The following TESK2 variants were observed in gnomAD, a reference collection of about 807,000 sequenced individuals.
TESK2 encodes the protein dual specificity testis-specific protein kinase 2.
TESK2 carries 39 observed loss-of-function variants against 57.1 expected under a neutral mutation model. The ratio of observed to expected loss-of-function variants is 0.68; its 90% CI spans 0.53 to 0.89. The LOEUF (loss-of-function observed/expected upper bound fraction) is 0.89, where lower values mean the gene tolerates loss of function less well. Among genes scored for constraint, TESK2 ranks in the 40% least tolerant of loss-of-function variants. TESK2 has a pLI of 0.00. For missense variants in TESK2, 646 were observed against 732.1 expected, an observed-to-expected ratio of 0.88 and a Z score of 1.36; for synonymous variants, 249 against 267.9, an observed-to-expected ratio of 0.93 and a Z score of 0.69.
At position 45,345,164 on chromosome 1, in the gene TESK2, C is replaced by A. The variant is rs746459077; in HGVS notation, c.1392G>T (p.Leu464Phe). The A allele has an allele frequency of 1.2e-6, 2 of 1,614,072 alleles. No individual in the cohort carries two copies. Among genetic ancestry groups the A allele is most frequent in the Admixed American group, 1.7e-5 (1 of 60,008 alleles). The change falls in exon 11 of 11, where the codon TTG (leucine) becomes TTT (phenylalanine). Residue 464 changes from leucine to phenylalanine, a missense_variant. Transcript: ENST00000372086. ...WRSLPGSPEF[L>F]HQEACPFVGR... ...CCACAAATGGACAAGCCTCTTGATG[C>A]AAGAACTCAGGCGAACCAGGCAAGG...
At chr1:45,429,539 T>C (rs1650862888) in intron 2 of TESK2, among the ~76,000 whole-genome samples, 5 of 152,102 alleles carry the variant, frequency 3.3e-5, no homozygotes, top group Admixed American at 3.3e-4. Flanking sequence ...TTTTAAAGTA[T>C]ATATGACAAA....
intron 4 of TESK2, among the ~76,000 whole-genome samples, chr1:45,363,102 T>C (rs902547389): frequency 6.6e-6 from 1 of 152,160 alleles, no homozygotes; most frequent in Non-Finnish European, 1.5e-5. Flanking sequence ...TGGTGTTTGT[T>C]CAAAGGCAAG....
intron 4 of TESK2, among the ~76,000 whole-genome samples, chr1:45,373,047 AG>A (rs138758396): frequency 6.6e-6 from 1 of 151,120 alleles, no homozygotes; most frequent in Non-Finnish European, 1.5e-5. Flanking sequence ...AAAAAAAAAA[AG>A]AAAAGAAAAA....
chr1:45,466,707 C>T (rs1652567861), intron 1 of TESK2, among the ~76,000 whole-genome samples: 1 of 149,708 alleles, frequency 6.7e-6, no homozygotes, highest in South Asian at 2.1e-4. Context: ...AGCAGAATAG[C>T]ATAGTCATGA....
intron 2 of TESK2, 54 bp downstream of exon 2, chr1:45,457,510 G>T: frequency 6.6e-7 from 1 of 1,508,954 alleles, no homozygotes; most frequent in Non-Finnish European, 9.2e-7. Flanking sequence ...CTATCAACCT[G>T]CAGTAAATGT....
intron 1 of TESK2, among the ~76,000 whole-genome samples, chr1:45,483,528 G>A (rs1436426369): frequency 6.6e-6 from 1 of 151,798 alleles, no homozygotes; most frequent in Non-Finnish European, 1.5e-5. Flanking sequence ...AACCCGGCAG[G>A]CAGAGGTTGC....
intron 1 of TESK2, 79 bp downstream of exon 1, chr1:45,490,773 G>T (rs1312798563): frequency 6.5e-6 from 1 of 152,676 alleles, no homozygotes; most frequent in Non-Finnish European, 1.5e-5. Context: ...CTGCTCCGGG[G>T]CAGAGGAGGT....
chr1:45,418,848 G>A (rs970480475), intron 3 of TESK2, among the ~76,000 whole-genome samples: 17 of 151,844 alleles, frequency 1.1e-4, no homozygotes, highest in Non-Finnish European at 2.1e-4. Flanking sequence ...TATTATGCAC[G>A]ACATGCCTGC....
chr1:45,388,693 A>G (rs186592203), intron 3 of TESK2, among the ~76,000 whole-genome samples: 1 of 149,700 alleles, frequency 6.7e-6, no homozygotes, highest in Non-Finnish European at 1.5e-5. Flanking sequence ...TTAATTCCCA[A>G]CGTGGCAGTA....
At chr1:45,360,417 T>C (rs1003342774) in intron 4 of TESK2, among the ~76,000 whole-genome samples, 1 of 152,070 alleles carries the variant, frequency 6.6e-6, no homozygotes, top group Non-Finnish European at 1.5e-5. Context: ...CAGAAGACAC[T>C]ATAATGAAAA....
rs1206825978 is a variant in TESK2, at chr1:45,472,252, A to T, written c.-86-14381T>A. Among the ~76,000 whole-genome samples the T allele has an allele frequency of 1.0e-4, 3 of 30,064 alleles. No homozygotes were observed. In the East Asian group the frequency reaches 2.0e-3, roughly 20 times the overall value. 19.7% of individuals were successfully genotyped at this position (30,064 alleles called of 152,430 possible). ...GGGCGACAGAGCAAGACTCCATCTC[A>T]AAAAAAAAAAAAAAGGTGTTCAAGT... On this transcript the variant is annotated intron_variant, in intron 1 of 10. Transcript: ENST00000372086.
chr1:45,360,062 C>T (rs542465927), intron 4 of TESK2, among the ~76,000 whole-genome samples: 1 of 152,278 alleles, frequency 6.6e-6, no homozygotes, highest in East Asian at 1.9e-4. Flanking sequence ...CTTCCAACTT[C>T]TCAAAAGGGA....
chr1:45,472,953 CGG>C (rs1388588573), intron 1 of TESK2, among the ~76,000 whole-genome samples: 7 of 141,120 alleles, frequency 5.0e-5, no homozygotes, highest in Non-Finnish European at 9.1e-5. Context: ...CTGGGTAATA[CGG>C]TGAAACCCTG....
intron 3 of TESK2, among the ~76,000 whole-genome samples, chr1:45,403,114 T>C (rs993919598): frequency 6.6e-6 from 1 of 151,230 alleles, no homozygotes; most frequent in African/African-American, 2.4e-5. Flanking sequence ...GGAGACCTCA[T>C]CTCTACTAAA....
At chr1:45,413,542 C>T (rs921461548) in intron 3 of TESK2, among the ~76,000 whole-genome samples, 1 of 152,202 alleles carries the variant, frequency 6.6e-6, no homozygotes, top group Admixed American at 6.5e-5. Flanking sequence ...CTTTCCAAAG[C>T]ACTAACAGAA....
In TESK2 at chr1:45,344,258, T is replaced by G. The variant is rs1271805768; in HGVS notation, c.*582A>C. 6.3e-6 allele frequency: 1 copy of G among 158,182 alleles called. No homozygotes were observed. Among genetic ancestry groups the G allele is most frequent in the Non-Finnish European group, 1.4e-5 (1 of 71,412 alleles). The allele number at this position is 158,182 out of a possible 1,614,324, so 9.8% of individuals were successfully genotyped here. ...AACAGGAAAAGGTCTTTGAATAGGTTAGCTAAGAGCCATGACCACCACGCT... is the reference window on the plus strand; with the variant it reads ...AACAGGAAAAGGTCTTTGAATAGGTGAGCTAAGAGCCATGACCACCACGCT... On this transcript the variant is annotated 3_prime_UTR_variant, in exon 11 of 11. Coordinates refer to ENST00000372086, the MANE Select transcript of TESK2 (RefSeq NM_007170.3).
chr1:45,400,782 G>A (rs1255404681), intron 3 of TESK2, among the ~76,000 whole-genome samples: 2 of 152,114 alleles, frequency 1.3e-5, no homozygotes, highest in Non-Finnish European at 2.9e-5. Context: ...AGCACTTTGG[G>A]AGGCCAAGGC....
At chr1:45,485,434 G>A (rs965265907) in intron 1 of TESK2, among the ~76,000 whole-genome samples, 1 of 151,962 alleles carries the variant, frequency 6.6e-6, no homozygotes, top group Non-Finnish European at 1.5e-5. Context: ...TGATCCGCCC[G>A]CCTCGGCCTC....
At chr1:45,486,251 G>A (rs1000945058) in intron 1 of TESK2, among the ~76,000 whole-genome samples, 1 of 152,128 alleles carries the variant, frequency 6.6e-6, no homozygotes, top group African/African-American at 2.4e-5. Flanking sequence ...CTACTAGAAG[G>A]AGATGAAATT....
Sources: gnomAD v4.1 joint callset for allele counts (sites outside exome capture counted in the v4.1 genomes callset) on GRCh38, gnomAD v4.1.1 for gene constraint, MANE v1.5 for transcripts, NCBI Gene and HGNC (gene_info 2026-07-23, HGNC 2026-07-21) for gene names.